Variants in NUCB2 observed in about 807,000 individuals in gnomAD.
NUCB2 encodes nucleobindin 2, also known as nucleobindin-2.
In NUCB2, 48 loss-of-function variants were observed where a neutral mutation model predicts 57.9. The ratio of observed to expected loss-of-function variants is 0.83; its 90% CI spans 0.66 to 1.05. The LOEUF is 1.05. NUCB2 is among the 50% of genes least tolerant of loss of function. The probability of loss-of-function intolerance (pLI) is 0.00; values close to 1 mark genes in which losing one functional copy is unlikely to be tolerated. For synonymous variants in NUCB2, 139 were observed against 152.1 expected (o/e 0.91, Z 0.64); for missense variants, 442 against 476.2 (o/e 0.93, Z 0.67).
chr11:17,306,911 C>CAAA (rs200996662), intron 5 of NUCB2, among the ~76,000 whole-genome samples: 11 of 80,012 alleles, frequency 1.4e-4, no homozygotes, highest in South Asian at 1.1e-3. Flanking sequence ...GACTCCGTCT[C>CAAA]AAAAAAAAAA....
chr11:17,321,202 AT>A lies in NUCB2; in HGVS notation c.1002+5740del, dbSNP rs138165152. Among the ~76,000 whole-genome samples the A allele has an allele frequency of 2.4e-3, 351 of 143,904 alleles. 1 individual carries two copies. Among genetic ancestry groups the A allele is most frequent in the Middle Eastern group, 3.6e-3 (1 of 278 alleles). 94.4% of individuals were successfully genotyped at this position (143,904 alleles called of 152,430 possible). Reference sequence around the variant, plus strand: ...TGAAATACTGGGTTTTATTCATTCTATTTTTTTTTTTTTGGTACCCATTAAC... The same window carrying A: ...TGAAATACTGGGTTTTATTCATTCTATTTTTTTTTTTTGGTACCCATTAAC... On this transcript the variant is annotated intron_variant, in intron 11 of 13. Coordinates refer to ENST00000529010, the MANE Select transcript of NUCB2 (RefSeq NM_005013.4).
intron 2 of NUCB2, 22 bp from the exon 3 acceptor site, chr11:17,295,302 C>G (rs1945649483): frequency 6.3e-6 from 10 of 1,590,272 alleles, no homozygotes; most frequent in Non-Finnish European, 8.6e-6. Context: ...ATGACTTTAC[C>G]ATAATTACTC....
intron 11 of NUCB2, among the ~76,000 whole-genome samples, chr11:17,316,179 C>A (rs1033639124): frequency 2.0e-5 from 3 of 152,056 alleles, no homozygotes; most frequent in African/African-American, 7.2e-5. Context: ...ACCATCTTGG[C>A]CAGGCTGGTC....
intron 2 of NUCB2, among the ~76,000 whole-genome samples, chr11:17,292,870 A>C (rs1945164297): frequency 1.3e-5 from 2 of 152,236 alleles, no homozygotes; most frequent in South Asian, 2.1e-4. Flanking sequence ...TATAATAAGC[A>C]TGGGGATCAA....
intron 5 of NUCB2, among the ~76,000 whole-genome samples, chr11:17,309,062 C>A (rs527917926): frequency 6.6e-6 from 1 of 152,090 alleles, no homozygotes; most frequent in African/African-American, 2.4e-5. Context: ...GCCTGTAACC[C>A]CAGCACTTTG....
rs778986801 is a variant in NUCB2 at position 17,330,200 on chromosome 11, A to C, written c.1076A>C (p.Asn359Thr). The C allele has an allele frequency of 2.2e-5, 35 of 1,605,014 alleles. No individual in the cohort carries two copies. The highest frequency in any genetic ancestry group is 3.3e-4 in the Middle Eastern group (2 of 6,062). Residue 359 changes from asparagine to threonine, a missense_variant, in exon 12 of 14, where the codon AAT becomes ACT. Coordinates refer to ENST00000529010, the MANE Select transcript of NUCB2 (RefSeq NM_005013.4). This position sits in a 1 kb window ranked among gnomAD's most constrained non-coding sequence, Gnocchi z 4.3. ...GAAAATATTATTGCTTTACAAGAAA[A>C]TGAACTTAAGAAGAAGGCAGATGAG... ...EYENIIALQE[N>T]ELKKKADELQ...
chr11:17,348,784 C>CT lies in NUCB2; in HGVS notation n.2627-550dup, dbSNP rs34096604. On this transcript the variant is annotated intron_variant and non_coding_transcript_variant, in intron 2 of 2. Coordinates refer to the NUCB2 transcript ENST00000532240. ...CCTTTAATAGAAAAGCTTTCCTTTC[C>CT]TTTTTTTTTTTGAGACAGAGTCTTA... 9.9e-3 allele frequency among the ~76,000 whole-genome samples: 1,437 copies of CT among 144,554 alleles called. 17 individuals are homozygous for CT. Among genetic ancestry groups the CT allele is most frequent in the African/African-American group, 0.031 (1,233 of 39,540 alleles). The allele number at this position is 144,554 out of a possible 152,430, so 94.8% of individuals were successfully genotyped here.
rs371387331 is a variant in NUCB2, at chr11:17,293,041, G to A, written c.1-2283G>A. 2.8e-3 allele frequency among the ~76,000 whole-genome samples: 429 copies of A among 152,152 alleles called. 4 individuals carry two copies. Among genetic ancestry groups the A allele is most frequent in the African/African-American group, 9.8e-3 (408 of 41,486 alleles). Reference sequence around the variant, plus strand: ...GGCTGAGCTGGGTGGATCATCTGAGGTCAGGAGTTCGAGACCAGCCTGGCC... The same window carrying A: ...GGCTGAGCTGGGTGGATCATCTGAGATCAGGAGTTCGAGACCAGCCTGGCC... On this transcript the variant is annotated intron_variant, in intron 2 of 13. Coordinates refer to ENST00000529010, the MANE Select transcript of NUCB2 (RefSeq NM_005013.4).
chr11:17,308,473 T>C (rs1488257463), intron 5 of NUCB2, among the ~76,000 whole-genome samples: 1 of 152,234 alleles, frequency 6.6e-6, no homozygotes, highest in African/African-American at 2.4e-5. Context: ...CTAATTCCCA[T>C]TCATCTCTAG....
intron 4 of NUCB2, among the ~76,000 whole-genome samples, chr11:17,297,897 G>C (rs1388176326): frequency 4.0e-5 from 6 of 151,820 alleles, no homozygotes; most frequent in Admixed American, 6.6e-5. Flanking sequence ...GCCTGGCCAA[G>C]ATGGTGAAAC....
exon 3 of NUCB2, chr11:17,349,555 C>A (rs560501989): frequency 6.6e-6 from 1 of 152,304 alleles, no homozygotes; most frequent in Admixed American, 6.5e-5. Context: ...AAGGACATTT[C>A]CCAGAAGTCA....
chr11:17,338,564 G>A (rs556182114), intron 2 of NUCB2, among the ~76,000 whole-genome samples: 1 of 152,138 alleles, frequency 6.6e-6, no homozygotes, highest in Non-Finnish European at 1.5e-5. Context: ...TATTTCCCAA[G>A]CCTTTCCAGA....
At chr11:17,308,134 G>C (rs1220236051) in intron 5 of NUCB2, among the ~76,000 whole-genome samples, 1 of 152,158 alleles carries the variant, frequency 6.6e-6, no homozygotes, top group Non-Finnish European at 1.5e-5. Flanking sequence ...GGTTGAACCA[G>C]ATTTAGCAGT....
intron 11 of NUCB2, among the ~76,000 whole-genome samples, chr11:17,325,302 A>G (rs991389520): frequency 3.3e-5 from 5 of 152,190 alleles, no homozygotes; most frequent in Admixed American, 3.3e-4. Flanking sequence ...TTCAGCTATT[A>G]TTGTATTGAG....
chr11:17,348,123 A>C (rs1325630492), intron 2 of NUCB2, among the ~76,000 whole-genome samples: 1 of 151,946 alleles, frequency 6.6e-6, no homozygotes, highest in African/African-American at 2.4e-5. Context: ...GAATTAAGAA[A>C]AAATAATAGA....
chr11:17,348,317 G>GTTTTTTTTTTTTTTTTTT (rs1191104686), intron 2 of NUCB2, among the ~76,000 whole-genome samples: 1 of 55,704 alleles, frequency 1.8e-5, no homozygotes, highest in Non-Finnish European at 3.1e-5. Context: ...GTTTGTTTTT[G>GTTTTTTTTTTTTTTTTTT]TGTTTTTTTT....
intron 2 of NUCB2, among the ~76,000 whole-genome samples, chr11:17,344,254 T>G (rs559549687): frequency 2.0e-5 from 3 of 152,350 alleles, no homozygotes; most frequent in African/African-American, 7.2e-5. Flanking sequence ...GAAGCCTATC[T>G]ATAGTACTTT....
At chr11:17,293,412 T>C (rs1197725671) in intron 2 of NUCB2, among the ~76,000 whole-genome samples, 2 of 151,984 alleles carry the variant, frequency 1.3e-5, no homozygotes, top group Non-Finnish European at 2.9e-5. Context: ...GTGGAAGATA[T>C]GGAAAAATTA....
chr11:17,321,066 C>G (rs10832759), intron 11 of NUCB2, among the ~76,000 whole-genome samples: 36,158 of 151,948 alleles, frequency 0.24, 5,004 homozygotes, highest in East Asian at 0.51. Flanking sequence ...ATTGGGTATC[C>G]ATCCCCTCAA....
Sources: allele counts gnomAD v4.1 joint callset (sites outside exome capture counted in the v4.1 genomes callset), GRCh38; gene constraint gnomAD v4.1.1; non-coding constraint Gnocchi (gnomAD v3.1); transcripts MANE v1.5; gene names NCBI Gene and HGNC (gene_info 2026-07-23, HGNC 2026-07-21).